AFF1: variants seen among roughly 807,000 people sequenced by gnomAD.
AFF1 encodes the protein AF4/FMR2 family member 1.
In AFF1, 48 loss-of-function variants were observed where a neutral mutation model predicts 121.7. The observed-to-expected ratio is 0.39, with a 90% CI of 0.31 to 0.50. The LOEUF is 0.50. Ranked by LOEUF, AFF1 falls within the 20% of genes least tolerant of loss-of-function variation. The pLI is 0.76. For missense variants in AFF1, 1,523 were observed against 1,511.7 expected (o/e 1.01, Z -0.12); for synonymous variants, 613 against 563.0 (o/e 1.09, Z -1.26).
At chr4:87,028,995 C>T (rs902674889) in intron 2 of AFF1, among the ~76,000 whole-genome samples, 1 of 152,058 alleles carries the variant, frequency 6.6e-6, no homozygotes, top group Non-Finnish European at 1.5e-5. Flanking sequence ...CTTTTGGCCA[C>T]AATGAGAGAA....
chr4:87,092,279 C>T (rs567349001), intron 7 of AFF1, among the ~76,000 whole-genome samples: 1 of 152,180 alleles, frequency 6.6e-6, no homozygotes, highest in South Asian at 2.1e-4. Flanking sequence ...CAGATCCTGT[C>T]TCAAACAAAC....
chr4:87,115,344 G>A, intron 12 of AFF1, 45 bp downstream of exon 12: 1 of 1,484,886 alleles, frequency 6.7e-7, no homozygotes. Context: ...GACCATCCTT[G>A]CTGTTGGCCT....
chr4:87,081,116 CCTA>C (rs1723119389), intron 4 of AFF1, among the ~76,000 whole-genome samples: 1 of 150,080 alleles, frequency 6.7e-6, no homozygotes, highest in Admixed American at 6.6e-5. Context: ...GGGAAATCCT[CCTA>C]CTGGCTTTTG....
intron 2 of AFF1, among the ~76,000 whole-genome samples, chr4:87,009,922 T>A (rs779295340): frequency 9.2e-5 from 14 of 152,348 alleles, no homozygotes; most frequent in Admixed American, 7.2e-4. Context: ...ACTTACAGAT[T>A]TGTAGCTCAG....
At chr4:86,978,608 C>T (rs906969901) in intron 2 of AFF1, among the ~76,000 whole-genome samples, 1 of 151,316 alleles carries the variant, frequency 6.6e-6, no homozygotes, top group African/African-American at 2.4e-5. Flanking sequence ...AGTGGTGCAA[C>T]CAATATAATA....
intron 2 of AFF1, among the ~76,000 whole-genome samples, chr4:86,981,017 G>GT (rs1387092826): frequency 2.1e-5 from 3 of 146,202 alleles, no homozygotes; most frequent in African/African-American, 7.6e-5. Flanking sequence ...TTGTTTGTTT[G>GT]TTTGTTTTGT....
At chr4:86,981,530 A>C (rs1723757719) in intron 2 of AFF1, among the ~76,000 whole-genome samples, 1 of 151,878 alleles carries the variant, frequency 6.6e-6, no homozygotes, top group Non-Finnish European at 1.5e-5. Context: ...CACCATGCCC[A>C]GCTAATTTTT....
chr4:86,938,972 T>C (rs1046805740), intron 1 of AFF1, among the ~76,000 whole-genome samples: 10 of 152,234 alleles, frequency 6.6e-5, no homozygotes, highest in African/African-American at 2.2e-4. Flanking sequence ...ATTAAAAGAC[T>C]GAGATTATTG....
chr4:87,024,912 C>T (rs1728377243), intron 2 of AFF1, among the ~76,000 whole-genome samples: 1 of 152,212 alleles, frequency 6.6e-6, no homozygotes, highest in African/African-American at 2.4e-5. Context: ...GATCCCTATC[C>T]TGCTTCTTTA....
In AFF1 at chr4:87,046,668, C is replaced by T. The variant is rs753844394; in HGVS notation, c.160-27C>T. ...ATGGTAGTTTTCCTTAGTTTTTTTT[C>T]ATTCTCAAATTCTCCTTTTTTTTCA... On this transcript the variant is annotated intron_variant, in intron 3 of 20. Transcript: ENST00000395146. 3.2e-6 allele frequency: 5 copies of T among 1,568,084 alleles called. No homozygotes were observed. In the African/African-American group the frequency reaches 6.9e-5, roughly 22 times the overall value.
At chr4:87,068,111 T>C (rs1429666844) in intron 4 of AFF1, among the ~76,000 whole-genome samples, 1 of 151,900 alleles carries the variant, frequency 6.6e-6, no homozygotes, top group African/African-American at 2.4e-5. Flanking sequence ...ATCATTTGTT[T>C]TGAAATACAT....
intron 2 of AFF1, chr4:87,007,011 T>A (rs979283339): frequency 1.8e-6 from 2 of 1,115,194 alleles, no homozygotes; most frequent in Non-Finnish European, 2.2e-6. Context: ...CCTTTCTAAC[T>A]GTGGCCCGCG....
intron 4 of AFF1, among the ~76,000 whole-genome samples, chr4:87,060,293 G>A (rs949519213): frequency 3.3e-5 from 5 of 152,118 alleles, no homozygotes; most frequent in African/African-American, 1.2e-4. Context: ...GAAGTTTTAT[G>A]CATCTGTCTC....
At chr4:87,030,733 CAG>C (rs964808869) in intron 2 of AFF1, among the ~76,000 whole-genome samples, 7 of 151,572 alleles carry the variant, frequency 4.6e-5, no homozygotes, top group African/African-American at 1.5e-4. Flanking sequence ...GTCTTGAAAA[CAG>C]TGTAAAATCA....
intron 2 of AFF1, among the ~76,000 whole-genome samples, chr4:87,010,877 A>G (rs1726669265): frequency 6.6e-6 from 1 of 152,132 alleles, no homozygotes; most frequent in South Asian, 2.1e-4. Flanking sequence ...TCACGAGGTT[A>G]GGAGATCCAG....
chr4:86,962,749 A>C (rs1722242940), intron 2 of AFF1, among the ~76,000 whole-genome samples: 1 of 152,202 alleles, frequency 6.6e-6, no homozygotes, highest in Non-Finnish European at 1.5e-5. Context: ...TGGAACTTAC[A>C]TTATTAAGAG....
chr4:87,140,839 G>A lies in AFF1; in HGVS notation c.*5138G>A. ...GTTTGAAAGAATATGTGATCTGTGAGAGAATTATAGTTTTTTTTTAGAAGA... is the reference window on the plus strand; with the variant it reads ...GTTTGAAAGAATATGTGATCTGTGAAAGAATTATAGTTTTTTTTTAGAAGA... On this transcript the variant is annotated 3_prime_UTR_variant, in exon 21 of 21. Coordinates refer to ENST00000395146, the MANE Select transcript of AFF1 (RefSeq NM_001166693.3). 5.3e-6 allele frequency: 1 copy of A among 187,210 alleles called. No homozygotes were observed. The highest frequency in any genetic ancestry group is 8.6e-5 in the East Asian group (1 of 11,690). 11.6% of individuals were successfully genotyped at this position (187,210 alleles called of 1,614,324 possible).
intron 4 of AFF1, among the ~76,000 whole-genome samples, chr4:87,069,875 G>A (rs867183107): frequency 5.5e-4 from 77 of 139,136 alleles, no homozygotes; most frequent in African/African-American, 2.0e-3. Context: ...CTGGAGTATA[G>A]TGTGGGATCT....
intron 17 of AFF1, 114 bp from the exon 18 acceptor site, chr4:87,131,679 G>T: frequency 1.1e-6 from 1 of 933,794 alleles, no homozygotes; most frequent in African/African-American, 1.7e-5. Flanking sequence ...TTTTTCCTGT[G>T]ATGCTCTCAT....
Sources: gnomAD v4.1 joint callset for allele counts (sites outside exome capture counted in the v4.1 genomes callset) on GRCh38, gnomAD v4.1.1 for gene constraint, MANE v1.5 for transcripts, NCBI Gene and HGNC (gene_info 2026-07-23, HGNC 2026-07-21) for gene names.